Variants in ANKRD24 observed in about 807,000 individuals in gnomAD.
ANKRD24 encodes the protein ankyrin repeat domain-containing protein 24.
ANKRD24 carries 109 observed loss-of-function variants against 127.8 expected under a neutral mutation model. The observed-to-expected ratio is 0.85, with a 90% CI of 0.73 to 1.00. ANKRD24 has a LOEUF of 1.00. Ranked by LOEUF, ANKRD24 falls within the 50% of genes least tolerant of loss-of-function variation. The pLI is 0.00. For synonymous variants in ANKRD24, 743 were observed against 671.1 expected, an observed-to-expected ratio of 1.11 and a Z score of -1.66; for missense variants, 1,648 against 1,570.2, an observed-to-expected ratio of 1.05 and a Z score of -0.84.
chr19:4,186,129 C>A, intron 1 of ANKRD24: 1 of 595,956 alleles, frequency 1.7e-6, no homozygotes, highest in Non-Finnish European at 2.5e-6. Context: ...TGTGTAGGGA[C>A]CATGCTGAAA....
intron 1 of ANKRD24, 115 bp downstream of exon 1, chr19:4,182,855 TC>T: frequency 1.8e-6 from 1 of 544,438 alleles, no homozygotes; most frequent in Non-Finnish European, 2.3e-6. Context: ...GCTATCCATG[TC>T]CCCACAACCC....
chr19:4,222,006 A>G (rs939874531), intron 19 of ANKRD24, among the ~76,000 whole-genome samples: 1 of 152,190 alleles, frequency 6.6e-6, no homozygotes, highest in Admixed American at 6.6e-5. Flanking sequence ...ATCTATAGTA[A>G]TAATAAGGCC....
intron 2 of ANKRD24, among the ~76,000 whole-genome samples, chr19:4,187,981 G>A (rs1968162251): frequency 6.6e-6 from 1 of 152,222 alleles, no homozygotes; most frequent in African/African-American, 2.4e-5. Flanking sequence ...CAGGAGCAGA[G>A]AGTGCGAGTG....
rs1238764558 is a variant in ANKRD24 at position 4,216,715 on chromosome 19, C to T, written c.1555C>T (p.Pro519Ser). 1.3e-6 allele frequency: 2 copies of T among 1,578,428 alleles called. No individual in the cohort carries two copies. The highest frequency in any genetic ancestry group is 1.7e-6 in the Non-Finnish European group (2 of 1,162,718). Residue 519 changes from proline (P) to serine (S), a missense_variant, in exon 18 of 22, where the codon CCC becomes TCC. Coordinates refer to ENST00000318934, the MANE Select transcript of ANKRD24 (RefSeq NM_001393985.1). ...GAGGCAGCAGGAGACACGAGAGGTC[C>T]CCAGAGAAGAGGGGGCAGCCTGTGG... ...ALRQQETREVPREEGAACGES... is the reference protein window; with the variant it reads ...ALRQQETREVSREEGAACGES...
chr19:4,219,710 G>A lies in ANKRD24; in HGVS notation c.3123G>A (p.Gln1041=). ...RTEAERARQA[Q]SRAQEALDKA... is the part of the protein sequence containing the mutation. ...AGGCGGAAAGGGCTCGCCAGGCCCA[G>A]AGCCGGGCCCAGGAGGCTCTGGACA... Residue 1041 remains glutamine, a synonymous_variant, in exon 19 of 22, where the codon CAG becomes CAA. Coordinates refer to ENST00000318934, the MANE Select transcript of ANKRD24 (RefSeq NM_001393985.1). The A allele has an allele frequency of 1.9e-6, 3 of 1,613,594 alleles. No individual in the cohort carries two copies. Among genetic ancestry groups the A allele is most frequent in the Non-Finnish European group, 2.5e-6 (3 of 1,179,730 alleles).
In ANKRD24 at chr19:4,208,941, T is replaced by G. The variant is rs147715480; in HGVS notation, c.870+140T>G. ...AAAGAATGCTACCTTCAGGGTATGCTGCCACCAAGTGGCGGCAGTGTGCTC... is the reference window on the plus strand; with the variant it reads ...AAAGAATGCTACCTTCAGGGTATGCGGCCACCAAGTGGCGGCAGTGTGCTC... On this transcript the variant is annotated intron_variant, in intron 11 of 21. Coordinates refer to ENST00000318934, the MANE Select transcript of ANKRD24 (RefSeq NM_001393985.1). 4.2e-4 allele frequency: 362 copies of G among 862,982 alleles called. No homozygotes were observed. The African/African-American group carries it at 5.9e-3, about 14-fold the overall frequency. The allele number at this position is 862,982 out of a possible 1,614,324, so 53.5% of individuals were successfully genotyped here. A position where few individuals can be genotyped will look rare whatever the true frequency, so the allele number is the denominator to read the frequency against.
In ANKRD24 at chr19:4,202,042, C is replaced by A. The variant is rs766166306; in HGVS notation, c.360C>A (p.His120Gln). The change falls in exon 6 of 22, where the codon CAC becomes CAA. Residue 120 changes from histidine to glutamine, a missense_variant. By Grantham distance (24) the His-to-Gln change is conservative. Transcript: ENST00000318934. ...CTTCCCCAGGTTACAATGCCCTCCACCTGGCCGCCAAATACGGGCACCCAC... is the reference window on the plus strand; with the variant it reads ...CTTCCCCAGGTTACAATGCCCTCCAACTGGCCGCCAAATACGGGCACCCAC... Reference protein sequence around the residue: ...SADGAGYNALHLAAKYGHPQC... With the variant: ...SADGAGYNALQLAAKYGHPQC... 6.2e-7 allele frequency: 1 copy of A among 1,613,890 alleles called. No homozygotes were observed. The highest frequency in any genetic ancestry group is 1.7e-5 in the Admixed American group (1 of 59,990).
intron 2 of ANKRD24, among the ~76,000 whole-genome samples, chr19:4,190,207 G>A (rs1271797560): frequency 2.0e-5 from 3 of 151,964 alleles, no homozygotes; most frequent in African/African-American, 7.3e-5. Flanking sequence ...AGGCCGAGGT[G>A]GGTGGGTCAC....
At position 4,201,127 on chromosome 19, in the gene ANKRD24, C is replaced by G. The variant is rs374786299; in HGVS notation, c.344-899C>G. ...GGAGTAGCTTGAGCTCTTGGAGTAG[C>G]TGGGTTACGAGGAGAACTTGTATGT... On this transcript the variant is annotated intron_variant, in intron 5 of 21. Transcript: ENST00000318934. Among the ~76,000 whole-genome samples, 334 of 152,088 alleles carry G rather than the reference C, an allele frequency of 2.2e-3. 1 individual carries two copies. The highest frequency in any genetic ancestry group is 7.6e-3 in the African/African-American group (317 of 41,502).
At position 4,199,940 on chromosome 19, in the gene ANKRD24, G is replaced by T; in HGVS notation, c.189G>T (p.Arg63=). The change falls in exon 4 of 22, where the codon CGG becomes CGT. Residue 63 remains arginine, a synonymous_variant. Transcript: ENST00000318934. The surrounding 1 kb of genome is among the most constrained non-coding windows in gnomAD (Gnocchi z 5.2). ...CCGTGGAAAACAACGATGCACCTCG[G>T]GTGGCCGCCCTCATCGCCCGCAAGG... is the stretch of plus-strand genomic sequence containing the variant. The part of the protein sequence containing the change: ...LQAVENNDAP[R]VAALIARKGL... 1 of 1,566,940 alleles carries T rather than the reference G, an allele frequency of 6.4e-7. No homozygotes were observed. The highest frequency in any genetic ancestry group is 8.6e-7 in the Non-Finnish European group (1 of 1,156,528).
rs1325226965 is a variant in ANKRD24 at position 4,186,445 on chromosome 19, G to A, written c.20G>A (p.Arg7Gln). The A allele has an allele frequency of 5.0e-6, 8 of 1,593,416 alleles. No homozygotes were observed. The highest frequency in any genetic ancestry group is 3.5e-5 in the Admixed American group (2 of 57,420). The change falls in exon 2 of 22, where the codon CGA (arginine) becomes CAA (glutamine). Residue 7 changes from arginine (R) to glutamine (Q), a missense_variant. Transcript: ENST00000318934. MKTLRA[R>Q]FKKTELRLSP... ...CCAACTATGAAGACTCTCAGGGCGC[G>A]ATTTAAGAAGACAGAGGTGAGTGTG...
At position 4,210,157 on chromosome 19, in the gene ANKRD24, A is replaced by C; in HGVS notation, c.951+19A>C. On this transcript the variant is annotated intron_variant, in intron 12 of 21. Transcript: ENST00000318934. ...CATGCCGGTGAGAGATGCTCTGGGC[A>C]CGGGAGGAGGCATGGGGAGCCCCCA... 1.3e-6 allele frequency: 2 copies of C among 1,595,230 alleles called. No homozygotes were observed. The highest frequency in any genetic ancestry group is 1.7e-6 in the Non-Finnish European group (2 of 1,171,302).
intron 19 of ANKRD24, 61 bp downstream of exon 19, chr19:4,219,819 A>C (rs1354598975): frequency 6.7e-7 from 1 of 1,501,590 alleles, no homozygotes; most frequent in Admixed American, 2.2e-5. Context: ...GGTTGGGGCC[A>C]ATCTACGAAG....
In ANKRD24 at chr19:4,207,735, G is replaced by A. The variant is rs773878199; in HGVS notation, c.645-46G>A. Reference sequence around the variant, plus strand: ...CCTGGGTGCTGAGGTGGGCATGGGGGCTTGGGGGATGTTCTCATCTCCTCA... The same window carrying A: ...CCTGGGTGCTGAGGTGGGCATGGGGACTTGGGGGATGTTCTCATCTCCTCA... On this transcript the variant is annotated intron_variant, in intron 9 of 21. Coordinates refer to ENST00000318934, the MANE Select transcript of ANKRD24 (RefSeq NM_001393985.1). 4 of 1,571,556 alleles carry A rather than the reference G, an allele frequency of 2.5e-6. No individual in the cohort carries two copies. In the South Asian group the frequency reaches 3.4e-5, roughly 14 times the overall value.
At chr19:4,189,220 A>ATT (rs138450887) in intron 2 of ANKRD24, among the ~76,000 whole-genome samples, 1 of 89,482 alleles carries the variant, frequency 1.1e-5, no homozygotes, top group Non-Finnish European at 2.5e-5. Context: ...GATTCACTTT[A>ATT]TTTTTTTTAA....
chr19:4,204,124 C>T (rs188477685), intron 7 of ANKRD24, among the ~76,000 whole-genome samples: 79 of 151,848 alleles, frequency 5.2e-4, no homozygotes, highest in African/African-American at 1.8e-3. Context: ...CCACCATGCC[C>T]GGCTAATTTT....
At chr19:4,214,783 G>A (rs1211837927) in intron 15 of ANKRD24, among the ~76,000 whole-genome samples, 2 of 152,158 alleles carry the variant, frequency 1.3e-5, no homozygotes, top group Non-Finnish European at 2.9e-5. Flanking sequence ...GAACTCAGGA[G>A]GCGGAGGTTG....
Position 4,217,090 on chromosome 19 carries a change from AAAAC to A in ANKRD24, c.1934_1937del (p.Thr645LysfsTer52), listed in dbSNP as rs1365632121. Reference sequence around the variant, plus strand: ...GGAGGCCATGGGGGTGGAGGCCACAAAAACAAAAGCAGAGGAAGCAGAAATGCAG... The same window carrying A: ...GGAGGCCATGGGGGTGGAGGCCACAAAAAAGCAGAGGAAGCAGAAATGCAG... On this transcript the variant is annotated frameshift_variant, in exon 18 of 22. Transcript: ENST00000318934. LOFTEE classifies it high-confidence loss of function. 31 of 1,613,646 alleles carry A rather than the reference AAAAC, an allele frequency of 1.9e-5. No individual in the cohort carries two copies. Among genetic ancestry groups the A allele is most frequent in the Non-Finnish European group, 2.4e-5 (28 of 1,179,862 alleles).
At chr19:4,208,589 CTCTTT>C (rs1454446643) in intron 10 of ANKRD24, among the ~76,000 whole-genome samples, 170 bp from the exon 11 acceptor site, 3 of 151,976 alleles carry the variant, frequency 2.0e-5, no homozygotes, top group Non-Finnish European at 2.9e-5. Flanking sequence ...AGCCTATCCT[CTCTTT>C]TTAACAGTCC....
Sources: gnomAD v4.1 joint callset for allele counts (sites outside exome capture counted in the v4.1 genomes callset) on GRCh38, gnomAD v4.1.1 for gene constraint, Gnocchi (gnomAD v3.1) non-coding constraint, MANE v1.5 for transcripts, NCBI Gene and HGNC (gene_info 2026-07-23, HGNC 2026-07-21) for gene names.